SRFBP1: variants seen among roughly 807,000 people sequenced by gnomAD.
SRFBP1 encodes serum response factor-binding protein 1.
In SRFBP1, 47 loss-of-function variants were observed where a neutral mutation model predicts 45.5. That is an observed-to-expected ratio of 1.03 (90% CI 0.82 to 1.32). The LOEUF is 1.32. Ranked by LOEUF, SRFBP1 falls within the 40% of genes most tolerant of loss-of-function variation. The pLI is 0.00. For missense variants in SRFBP1, 621 were observed against 484.6 expected (o/e 1.28, Z -2.64); for synonymous variants, 203 against 166.3 (o/e 1.22, Z -1.70).
At chr5:122,025,617 G>GT (rs1392596129) in intron 7 of SRFBP1, among the ~76,000 whole-genome samples, 1 of 151,796 alleles carries the variant, frequency 6.6e-6, no homozygotes, top group Non-Finnish European at 1.5e-5. Context: ...ATCCTCTACA[G>GT]TTTTTTTTAA....
At chr5:122,072,796 G>A (rs1484932076) in intron 2 of SRFBP1, among the ~76,000 whole-genome samples, 1 of 152,202 alleles carries the variant, frequency 6.6e-6, no homozygotes, top group East Asian at 1.9e-4. Context: ...CAAAGAAGGG[G>A]GGGAACCAGA....
intron 2 of SRFBP1, chr5:122,075,264 T>A (rs1291790675): frequency 1.3e-6 from 1 of 741,382 alleles, no homozygotes; most frequent in Non-Finnish European, 2.1e-6. Context: ...TTATGTGAAA[T>A]TACATAGAGA....
At chr5:122,006,144 A>C (rs1283568803) in intron 4 of SRFBP1, among the ~76,000 whole-genome samples, 2 of 152,000 alleles carry the variant, frequency 1.3e-5, no homozygotes, top group Non-Finnish European at 2.9e-5. Context: ...TTCTTTTCTG[A>C]AAGACAACTT....
Position 122,042,811 on chromosome 5 carries a change from A to C in SRFBP1, n.311+20404A>C, listed in dbSNP as rs1256123377. Among the ~76,000 whole-genome samples the C allele has an allele frequency of 2.0e-5, 3 of 152,074 alleles. No homozygotes were observed. The South Asian group carries it at 6.2e-4, about 32-fold the overall frequency. On this transcript the variant is annotated intron_variant and non_coding_transcript_variant, in intron 2 of 2. Coordinates refer to the SRFBP1 transcript ENST00000504881. ...GTTTTCTCGATTTTCCTTCTCTGCTATTTTAGAATTTCTTTTGGTATTAAC... is the reference window on the plus strand; with the variant it reads ...GTTTTCTCGATTTTCCTTCTCTGCTCTTTTAGAATTTCTTTTGGTATTAAC...
intron 2 of SRFBP1, among the ~76,000 whole-genome samples, chr5:122,051,410 A>G (rs1753971309): frequency 6.6e-6 from 1 of 151,704 alleles, no homozygotes; most frequent in Admixed American, 6.6e-5. Context: ...GGCCTCCAAG[A>G]ACTTGCTTCA....
rs1491389691 is a variant in SRFBP1, at chr5:122,021,694, T to TG, written c.1068-675dup. ...TTTTTTTTTTTTTTTTTTTTTTTTT[T>TG]GAGACGGAGTCTCACTCTATCACCC... is the stretch of plus-strand genomic sequence containing the variant. On this transcript the variant is annotated intron_variant, in intron 6 of 7. Transcript: ENST00000339397. 2.2e-4 allele frequency among the ~76,000 whole-genome samples: 28 copies of TG among 129,854 alleles called. No homozygotes were observed. In the East Asian group the frequency reaches 5.6e-3, roughly 26 times the overall value. The allele number at this position is 129,854 out of a possible 152,430, so 85.2% of individuals were successfully genotyped here.
chr5:122,027,294 G>C lies in SRFBP1; in HGVS notation c.*168G>C, dbSNP rs946811538. 3.4e-5 allele frequency: 18 copies of C among 522,932 alleles called. No homozygotes were observed. The highest frequency in any genetic ancestry group is 2.5e-4 in the African/African-American group (13 of 51,114). 32.4% of individuals were successfully genotyped at this position (522,932 alleles called of 1,614,324 possible). On this transcript the variant is annotated 3_prime_UTR_variant, in exon 8 of 8. Transcript: ENST00000339397. Reference sequence around the variant, plus strand: ...TCCCACCTCTGCCTCCCAAAGGGCTGGGACTGCAGGTGCATGCACTACCAT... The same window carrying C: ...TCCCACCTCTGCCTCCCAAAGGGCTCGGACTGCAGGTGCATGCACTACCAT...
chr5:122,006,832 A>G (rs774719437), intron 4 of SRFBP1, among the ~76,000 whole-genome samples: 24 of 152,042 alleles, frequency 1.6e-4, no homozygotes, highest in Non-Finnish European at 3.2e-4. Flanking sequence ...ATGTATTTTG[A>G]AATTCCTTAA....
chr5:121,980,824 TG>T (rs1428511441), intron 3 of SRFBP1, among the ~76,000 whole-genome samples: 1 of 152,182 alleles, frequency 6.6e-6, no homozygotes, highest in Non-Finnish European at 1.5e-5. Flanking sequence ...GCTTTGAATC[TG>T]CTACTTGTCT....
At chr5:121,973,518 T>G (rs1164889879) in intron 1 of SRFBP1, among the ~76,000 whole-genome samples, 2 of 151,552 alleles carry the variant, frequency 1.3e-5, no homozygotes, top group African/African-American at 2.4e-5. Flanking sequence ...AATTTCCATT[T>G]TTTGGCCTAT....
At chr5:122,029,793 A>C (rs1219201096), downstream of SRFBP1, among the ~76,000 whole-genome samples, 7 of 152,070 alleles carry the variant, frequency 4.6e-5, no homozygotes, top group Admixed American at 2.0e-4. Flanking sequence ...GCAATTTCCT[A>C]GTTGTTTAAT....
chr5:122,027,300 G>A lies in SRFBP1; in HGVS notation c.*174G>A. Reference sequence around the variant, plus strand: ...CTCTGCCTCCCAAAGGGCTGGGACTGCAGGTGCATGCACTACCATGCCCAG... The same window carrying A: ...CTCTGCCTCCCAAAGGGCTGGGACTACAGGTGCATGCACTACCATGCCCAG... On this transcript the variant is annotated 3_prime_UTR_variant, in exon 8 of 8. Coordinates refer to ENST00000339397, the MANE Select transcript of SRFBP1 (RefSeq NM_152546.3). The A allele has an allele frequency of 2.0e-6, 1 of 488,242 alleles. No individual in the cohort carries two copies. Among genetic ancestry groups the A allele is most frequent in the East Asian group, 3.5e-5 (1 of 28,302 alleles). 30.2% of individuals were successfully genotyped at this position (488,242 alleles called of 1,614,324 possible). A position where few individuals can be genotyped will look rare whatever the true frequency, so the allele number is the denominator to read the frequency against.
In SRFBP1 at chr5:122,027,223, C is replaced by T. The variant is rs1307106779; in HGVS notation, c.*97C>T. ...TTGCCCAGACTAGAGTACAATATTG[C>T]AATCACAGCTCACTGCAGCCTCAAA... On this transcript the variant is annotated 3_prime_UTR_variant, in exon 8 of 8. Transcript: ENST00000339397. 4.6e-5 allele frequency: 45 copies of T among 984,120 alleles called. No homozygotes were observed. Among genetic ancestry groups the T allele is most frequent in the Non-Finnish European group, 1.5e-6 (1 of 679,862 alleles). 61.0% of individuals were successfully genotyped at this position (984,120 alleles called of 1,614,324 possible).
intron 3 of SRFBP1, among the ~76,000 whole-genome samples, chr5:121,985,967 AT>A (rs1752509940): frequency 6.6e-6 from 1 of 151,938 alleles, no homozygotes; most frequent in African/African-American, 2.4e-5. Context: ...GTTCAGAGAA[AT>A]TATCTTGGCT....
intron 1 of SRFBP1, among the ~76,000 whole-genome samples, chr5:121,964,321 T>C (rs1752015424): frequency 6.6e-6 from 1 of 152,156 alleles, no homozygotes; most frequent in South Asian, 2.1e-4. Flanking sequence ...CATTAGGTAT[T>C]TCTCCTAATG....
intron 2 of SRFBP1, among the ~76,000 whole-genome samples, chr5:122,054,031 C>T (rs1166290251): frequency 2.6e-5 from 4 of 152,198 alleles, no homozygotes; most frequent in African/African-American, 9.6e-5. Context: ...AAGCTGGCAG[C>T]AAGCCCCATC....
intron 3 of SRFBP1, among the ~76,000 whole-genome samples, chr5:121,992,350 C>G (rs772208170): frequency 6.6e-6 from 1 of 151,994 alleles, no homozygotes; most frequent in East Asian, 1.9e-4. Context: ...CTTCTCCCCC[C>G]TCCACCTCCA....
intron 1 of SRFBP1, among the ~76,000 whole-genome samples, chr5:121,970,074 G>A (rs1752155767): frequency 2.0e-5 from 3 of 151,878 alleles, no homozygotes; most frequent in Admixed American, 2.0e-4. Context: ...TTGACTTCTG[G>A]GTTGTCAGCC....
At chr5:122,022,452 GT>G (rs1753380701) in intron 7 of SRFBP1, 45 bp downstream of exon 7, 3 of 1,536,020 alleles carry the variant, frequency 2.0e-6, no homozygotes, top group African/African-American at 1.4e-5. Context: ...ATTAAGCTAT[GT>G]TTTACCAGAG....
Sources: gnomAD v4.1 joint callset for allele counts (sites outside exome capture counted in the v4.1 genomes callset) on GRCh38, gnomAD v4.1.1 for gene constraint, MANE v1.5 for transcripts, NCBI Gene and HGNC (gene_info 2026-07-23, HGNC 2026-07-21) for gene names.